CDH12: variants seen among roughly 807,000 people sequenced by gnomAD.
CDH12 encodes cadherin-12.
Under a neutral mutation model 74.1 loss-of-function variants are expected in CDH12, and 41 were observed. The ratio of observed to expected loss-of-function variants is 0.55; its 90% CI spans 0.43 to 0.72. CDH12 has a LOEUF of 0.72. Among genes scored for constraint, CDH12 ranks in the 30% least tolerant of loss-of-function variants. CDH12 has a pLI of 0.00. For missense variants in CDH12, 945 were observed against 977.2 expected (o/e 0.97, Z 0.44); for synonymous variants, 399 against 355.0 (o/e 1.12, Z -1.39).
At chr5:21,970,654 A>G (rs1163686565) in intron 6 of CDH12, among the ~76,000 whole-genome samples, 1 of 151,708 alleles carries the variant, frequency 6.6e-6, no homozygotes, top group African/African-American at 2.4e-5. Context: ...AGCCTGGCCA[A>G]TGTGGCAAAA....
At chr5:21,997,084 A>G in intron 5 of CDH12, among the ~76,000 whole-genome samples, 1 of 152,176 alleles carries the variant, frequency 6.6e-6, no homozygotes, top group Admixed American at 6.6e-5. Flanking sequence ...CTTTGACATT[A>G]TTAATAATCG....
chr5:22,674,950 A>G (rs781748610), intron 1 of CDH12, among the ~76,000 whole-genome samples: 1 of 152,118 alleles, frequency 6.6e-6, no homozygotes, highest in Non-Finnish European at 1.5e-5. Flanking sequence ...AGGGAAACAG[A>G]GCATAAAAGT....
In CDH12 at chr5:22,591,681, C is replaced by G. The variant is rs149293619; in HGVS notation, c.-522-86317G>C. ...GCCCTATTGGAGTCACTGTCCCCAG[C>G]TGTCCCCAAGTCATACCAAAGAGTT... On this transcript the variant is annotated intron_variant, in intron 1 of 14. Transcript: ENST00000382254. Among the ~76,000 whole-genome samples, 378 of 152,278 alleles carry G rather than the reference C, an allele frequency of 2.5e-3. 3 individuals are homozygous for G. Among genetic ancestry groups the G allele is most frequent in the African/African-American group, 8.7e-3 (360 of 41,576 alleles).
At chr5:21,965,521 C>T (rs1756540205) in intron 6 of CDH12, among the ~76,000 whole-genome samples, 1 of 151,592 alleles carries the variant, frequency 6.6e-6, no homozygotes, top group Admixed American at 6.6e-5. Context: ...TCGTTGTGTG[C>T]CTTTGCCAAT....
chr5:22,345,120 G>A (rs1222970080), intron 3 of CDH12, among the ~76,000 whole-genome samples: 2 of 152,148 alleles, frequency 1.3e-5, no homozygotes, highest in Non-Finnish European at 2.9e-5. Flanking sequence ...ATTTGATGAG[G>A]ACGGGGTAAA....
chr5:22,501,667 C>G (rs1017309575), intron 2 of CDH12, among the ~76,000 whole-genome samples: 2 of 151,602 alleles, frequency 1.3e-5, no homozygotes, highest in African/African-American at 4.9e-5. Flanking sequence ...CTAATTGCAA[C>G]TCTAACAATA....
intron 1 of CDH12, among the ~76,000 whole-genome samples, chr5:22,681,906 T>TAC (rs1367018181): frequency 2.6e-5 from 4 of 152,044 alleles, no homozygotes; most frequent in African/African-American, 9.7e-5. Context: ...TAGTTATCTT[T>TAC]CAGTTTGGTT....
Position 22,824,406 on chromosome 5 carries a change from G to C in CDH12, c.-523+28652C>G, listed in dbSNP as rs114379291. Among the ~76,000 whole-genome samples the C allele has an allele frequency of 7.8e-3, 1,189 of 152,182 alleles. 6 individuals carry two copies. The highest frequency in any genetic ancestry group is 0.012 in the Non-Finnish European group (784 of 67,970). ...ATGGGGGAAATTTCTCACAAAATTT[G>C]TATATGAAAAGCATACACATACAAA... On this transcript the variant is annotated intron_variant, in intron 1 of 14. Coordinates refer to ENST00000382254, the MANE Select transcript of CDH12 (RefSeq NM_004061.5).
chr5:21,906,888 G>C (rs1025835654), intron 6 of CDH12, among the ~76,000 whole-genome samples: 4 of 152,018 alleles, frequency 2.6e-5, no homozygotes, highest in African/African-American at 7.2e-5. Flanking sequence ...TGTTGCCCAG[G>C]CTGGTCTTGA....
intron 3 of CDH12, among the ~76,000 whole-genome samples, chr5:22,261,963 T>G (rs1265073158): frequency 6.6e-6 from 1 of 152,008 alleles, no homozygotes; most frequent in Non-Finnish European, 1.5e-5. Flanking sequence ...AGAAAGAAAC[T>G]GTCATGTTAC....
At position 22,368,093 on chromosome 5, in the gene CDH12, C is replaced by T. The variant is rs184348686; in HGVS notation, c.-333+37164G>A. On this transcript the variant is annotated intron_variant, in intron 3 of 14. Coordinates refer to ENST00000382254, the MANE Select transcript of CDH12 (RefSeq NM_004061.5). ...CTATATCTATAGACATATGTTAAGG[C>T]AAATTGTTTTAGATATGTGAAATTT... Among the ~76,000 whole-genome samples the T allele has an allele frequency of 1.3e-3, 198 of 152,068 alleles. 1 individual carries two copies. Among genetic ancestry groups the T allele is most frequent in the Non-Finnish European group, 2.1e-3 (140 of 67,990 alleles).
chr5:22,801,501 T>C (rs1299964763), intron 1 of CDH12, among the ~76,000 whole-genome samples: 1 of 151,760 alleles, frequency 6.6e-6, no homozygotes, highest in African/African-American at 2.4e-5. Context: ...ATCTTTCGTT[T>C]CCTCCAGCTG....
At chr5:22,822,912 T>C (rs555276066) in intron 1 of CDH12, among the ~76,000 whole-genome samples, 1 of 152,272 alleles carries the variant, frequency 6.6e-6, no homozygotes, top group East Asian at 1.9e-4. Flanking sequence ...TAAATCATGC[T>C]GCTATAAAGA....
At chr5:22,610,511 A>G (rs1215485316) in intron 1 of CDH12, among the ~76,000 whole-genome samples, 1 of 152,100 alleles carries the variant, frequency 6.6e-6, no homozygotes, top group Admixed American at 6.6e-5. Context: ...TATGTCAATA[A>G]TTCTCAGTTG....
chr5:21,777,663 G>T (rs1002577456), intron 11 of CDH12, among the ~76,000 whole-genome samples: 3 of 151,818 alleles, frequency 2.0e-5, no homozygotes, highest in African/African-American at 7.3e-5. Flanking sequence ...GCTAATTTTT[G>T]TGTTTTTAGT....
intron 9 of CDH12, among the ~76,000 whole-genome samples, chr5:21,806,738 A>G (rs1747447511): frequency 6.6e-6 from 1 of 152,190 alleles, no homozygotes. Context: ...CACCTTTGCA[A>G]AGATTATGAC....
At chr5:22,133,346 A>G (rs1746278159) in intron 4 of CDH12, among the ~76,000 whole-genome samples, 1 of 152,084 alleles carries the variant, frequency 6.6e-6, no homozygotes, top group Admixed American at 6.6e-5. Context: ...ATCATTAGTG[A>G]ATTCTCATAT....
At chr5:22,068,369 T>C (rs143650904) in intron 5 of CDH12, among the ~76,000 whole-genome samples, 6 of 152,310 alleles carry the variant, frequency 3.9e-5, no homozygotes, top group African/African-American at 1.4e-4. Flanking sequence ...TGGTTCTTCA[T>C]GATAAGCAAG....
At chr5:22,204,727 C>CAT (rs1751126014) in intron 4 of CDH12, among the ~76,000 whole-genome samples, 1 of 152,100 alleles carries the variant, frequency 6.6e-6, no homozygotes, top group Non-Finnish European at 1.5e-5. Flanking sequence ...ATGCACCCAA[C>CAT]ATATCTCTGT....
Sources: gnomAD v4.1 joint callset for allele counts (sites outside exome capture counted in the v4.1 genomes callset) on GRCh38, gnomAD v4.1.1 for gene constraint, MANE v1.5 for transcripts, NCBI Gene and HGNC (gene_info 2026-07-23, HGNC 2026-07-21) for gene names.